MRPS7: variants seen among roughly 807,000 people sequenced by gnomAD.
MRPS7 encodes the protein small ribosomal subunit protein uS7m.
A neutral mutation model predicts 26.2 loss-of-function variants in MRPS7; 13 were observed. The observed-to-expected ratio is 0.50, with a 90% confidence interval of 0.32 to 0.79. MRPS7 has a LOEUF of 0.79. MRPS7 is among the 30% of genes least tolerant of loss of function. MRPS7 has a pLI of 0.03. For missense variants in MRPS7, 318 were observed against 312.2 expected, an observed-to-expected ratio of 1.02 and a Z score of -0.14; for synonymous variants, 129 against 113.3, an observed-to-expected ratio of 1.14 and a Z score of -0.88.
In MRPS7 at chr17:75,262,610, G is replaced by T. The variant is rs1414979908; in HGVS notation, c.197G>T (p.Arg66Leu). The T allele has an allele frequency of 3.1e-6, 5 of 1,614,096 alleles. No homozygotes were observed. Among genetic ancestry groups the T allele is most frequent in the Admixed American group, 1.7e-5 (1 of 60,024 alleles). ...EELTEEEKYV[R>L]ELKKTQLIKA... ...CTAACTGAGGAGGAGAAATATGTTC[G>T]GGAGCTCAAGAAGACTCAGCTCATC... Residue 66 changes from arginine (R) to leucine (L), a missense_variant, in exon 2 of 5, where the codon CGG becomes CTG. Physicochemically the swap from Arg to Leu is moderately radical, Grantham distance 102 (BLOSUM62 -2). Transcript: ENST00000245539.
At position 75,261,880 on chromosome 17, in the gene MRPS7, G is replaced by C; in HGVS notation, c.-21G>C. On this transcript the variant is annotated 5_prime_UTR_variant, in exon 1 of 5. Transcript: ENST00000245539. ...AGGCGCGCCGAGGGCAGTCCTTGTG[G>C]GGTCCTCGTGGCCAGCCAAGATGGC... The C allele has an allele frequency of 6.2e-7, 1 of 1,605,802 alleles. No individual in the cohort carries two copies. The highest frequency in any genetic ancestry group is 8.5e-7 in the Non-Finnish European group (1 of 1,178,866).
At chr17:75,263,252 G>T in intron 3 of MRPS7, 88 bp from the exon 4 acceptor site, 1 of 1,517,928 alleles carries the variant, frequency 6.6e-7, no homozygotes. Flanking sequence ...CAGAACCAGA[G>T]GATGGGAGTA....
chr17:75,265,160 T>C (rs868380194), intron 4 of MRPS7, among the ~76,000 whole-genome samples: 7 of 150,798 alleles, frequency 4.6e-5, no homozygotes, highest in Non-Finnish European at 8.9e-5. Context: ...TACCTCAGCC[T>C]CCCAAGTAGC....
At chr17:75,263,762 T>C (rs1598478858) in intron 4 of MRPS7, 4 of 428,920 alleles carry the variant, frequency 9.3e-6, no homozygotes, top group Non-Finnish European at 1.7e-5. Flanking sequence ...GCATCTGTGC[T>C]CCCAACTACT....
At position 75,262,851 on chromosome 17, in the gene MRPS7, G is replaced by C; in HGVS notation, c.323G>C (p.Arg108Thr). The change falls in exon 3 of 5, where the codon AGA becomes ACA. Residue 108 changes from arginine (R) to threonine (T), a missense_variant. Physicochemically the swap from Arg to Thr is moderately conservative, Grantham distance 71. Transcript: ENST00000245539. ...ATAGGAGGAAACAAAGTACTGGCCA[G>C]ATCCCTCATGATTCAGGTAAACAGC... is the stretch of plus-strand genomic sequence containing the variant. ...MMIGGNKVLARSLMIQTLEAV... is the reference protein window; with the variant it reads ...MMIGGNKVLATSLMIQTLEAV... 1.2e-6 allele frequency: 2 copies of C among 1,614,158 alleles called. No homozygotes were observed. The highest frequency in any genetic ancestry group is 1.7e-6 in the Non-Finnish European group (2 of 1,180,000).
In MRPS7 at chr17:75,266,019, TG is replaced by T. The variant is rs965660517; in HGVS notation, c.*97del. 1.7e-6 allele frequency: 2 copies of T among 1,160,342 alleles called. No individual in the cohort carries two copies. Among genetic ancestry groups the T allele is most frequent in the African/African-American group, 3.1e-5 (2 of 65,296 alleles). The allele number at this position is 1,160,342 out of a possible 1,614,324, so 71.9% of individuals were successfully genotyped here. ...CTGTGGGTTAAGGATGTAGTTCCTT[TG>T]TAAGGGTGGGCAGGCCTCGTAAGAA... On this transcript the variant is annotated 3_prime_UTR_variant, in exon 5 of 5. Coordinates refer to ENST00000245539, the MANE Select transcript of MRPS7 (RefSeq NM_015971.4).
Position 75,265,938 on chromosome 17 carries a change from G to T in MRPS7, c.*15G>T. The T allele has an allele frequency of 3.1e-6, 5 of 1,610,672 alleles. No individual in the cohort carries two copies. The highest frequency in any genetic ancestry group is 4.2e-6 in the Non-Finnish European group (5 of 1,178,116). ...GCTGGTGGTAGAGTCTCCAGGAGGAGCCCAGGGCCCTCTGCCGCAAGAAAC... is the reference window on the plus strand; with the variant it reads ...GCTGGTGGTAGAGTCTCCAGGAGGATCCCAGGGCCCTCTGCCGCAAGAAAC... On this transcript the variant is annotated 3_prime_UTR_variant, in exon 5 of 5. Coordinates refer to ENST00000245539, the MANE Select transcript of MRPS7 (RefSeq NM_015971.4).
In MRPS7 at chr17:75,262,663, T is replaced by C. The variant is rs747880019; in HGVS notation, c.250T>C (p.Ser84Pro). 2 of 1,614,162 alleles carry C rather than the reference T, an allele frequency of 1.2e-6. No homozygotes were observed. Among genetic ancestry groups the C allele is most frequent in the East Asian group, 4.5e-5 (2 of 44,892 alleles). ...IKAAPAGKTS[S>P]VFEDPVISKF... ...AGCTGCTCCAGCAGGGAAAACAAGT[T>C]CTGTGTTTGAAGACCCAGTCATCAG... The change falls in exon 2 of 5, where the codon TCT becomes CCT. Residue 84 changes from serine to proline, a missense_variant. Ser to Pro is a moderately conservative substitution (Grantham distance 74, BLOSUM62 -1). Transcript: ENST00000245539.
chr17:75,262,008 G>T (rs749361233), intron 1 of MRPS7, 25 bp downstream of exon 1: 72 of 1,600,882 alleles, frequency 4.5e-5, no homozygotes, highest in Middle Eastern at 3.3e-4. Context: ...AGCAGCGGCG[G>T]GGGGGCGCTG....
At position 75,261,964 on chromosome 17, in the gene MRPS7, G is replaced by C; in HGVS notation, c.64G>C (p.Ala22Pro). The change falls in exon 1 of 5, where the codon GCT (alanine) becomes CCT (proline). Residue 22 changes from alanine (A) to proline (P), a missense_variant. Coordinates refer to ENST00000245539, the MANE Select transcript of MRPS7 (RefSeq NM_015971.4). Reference sequence around the variant, plus strand: ...GGGCCTGGCGTTGGGCGTGCGGCGGGCTGTCTTGCAGCTTCCAGGGTGAGA... The same window carrying C: ...GGGCCTGGCGTTGGGCGTGCGGCGGCCTGTCTTGCAGCTTCCAGGGTGAGA... ...WSGLALGVRR[A>P]VLQLPGLTQV... The C allele has an allele frequency of 1.2e-6, 2 of 1,606,418 alleles. No homozygotes were observed. Among genetic ancestry groups the C allele is most frequent in the Non-Finnish European group, 1.7e-6 (2 of 1,179,592 alleles).
rs1056542055 is a variant in MRPS7 at position 75,266,197 on chromosome 17, G to A, written c.*274G>A. 5.8e-6 allele frequency: 3 copies of A among 521,320 alleles called. No homozygotes were observed. Among genetic ancestry groups the A allele is most frequent in the Non-Finnish European group, 1.0e-5 (3 of 289,896 alleles). The allele number at this position is 521,320 out of a possible 1,614,324, so 32.3% of individuals were successfully genotyped here. ...GGCTGTTTTCTCTTCCCTTAGGTTG[G>A]GGCGGACCTTTGGATATATAAAGGA... is the stretch of plus-strand genomic sequence containing the variant. On this transcript the variant is annotated 3_prime_UTR_variant, in exon 5 of 5. Transcript: ENST00000245539.
At chr17:75,262,031 G>T (rs761307868) in intron 1 of MRPS7, 48 bp downstream of exon 1, 2 of 1,596,170 alleles carry the variant, frequency 1.3e-6, no homozygotes, top group African/African-American at 2.7e-5. Flanking sequence ...AGGAAGGAAG[G>T]GGGCCACAGG....
At position 75,262,815 on chromosome 17, in the gene MRPS7, A is replaced by T; in HGVS notation, c.287A>T (p.Asn96Ile). Reference protein sequence around the residue: ...FEDPVISKFTNMMMIGGNKVL... With the variant: ...FEDPVISKFTIMMMIGGNKVL... ...TTTTCTCTTTGAAGTAAATTCACCA[A>T]CATGATGATGATAGGAGGAAACAAA... is the stretch of plus-strand genomic sequence containing the variant. Residue 96 changes from asparagine to isoleucine, a missense_variant, in exon 3 of 5, where the codon AAC becomes ATC. Transcript: ENST00000245539. The T allele has an allele frequency of 6.2e-7, 1 of 1,614,146 alleles. No individual in the cohort carries two copies. Among genetic ancestry groups the T allele is most frequent in the Non-Finnish European group, 8.5e-7 (1 of 1,180,018 alleles).
intron 4 of MRPS7, chr17:75,264,632 G>A (rs1259914460): frequency 1.3e-5 from 2 of 151,038 alleles, no homozygotes; most frequent in Non-Finnish European, 3.0e-5. Context: ...TCTTGTTTTT[G>A]GTTTTCTTTA....
rs754733455 is a variant in MRPS7, at chr17:75,262,788, G to A, written c.276-16G>A. On this transcript the variant is annotated splice_polypyrimidine_tract_variant and intron_variant, in intron 2 of 4. Coordinates refer to ENST00000245539, the MANE Select transcript of MRPS7 (RefSeq NM_015971.4). ...ACAGCCTTGGAGAGCTAAACGTGTTGCTTTTCTCTTTGAAGTAAATTCACC... is the reference window on the plus strand; with the variant it reads ...ACAGCCTTGGAGAGCTAAACGTGTTACTTTTCTCTTTGAAGTAAATTCACC... 15 of 1,613,966 alleles carry A rather than the reference G, an allele frequency of 9.3e-6. No individual in the cohort carries two copies. The highest frequency in any genetic ancestry group is 1.3e-5 in the Non-Finnish European group (15 of 1,179,982).
At position 75,265,860 on chromosome 17, in the gene MRPS7, G is replaced by A. The variant is rs2077474544; in HGVS notation, c.666G>A (p.Arg222=). 6.2e-7 allele frequency: 1 copy of A among 1,614,048 alleles called. No individual in the cohort carries two copies. Among genetic ancestry groups the A allele is most frequent in the African/African-American group, 1.3e-5 (1 of 74,952 alleles). ...AFHNQGPVIK[R]KHDLHKMAEA... The stretch of plus-strand genomic sequence containing the variant: ...ATAACCAGGGCCCCGTGATCAAGAG[G>A]AAGCATGACTTGCACAAGATGGCAG... Residue 222 remains arginine (R), a synonymous_variant, in exon 5 of 5, where the codon AGG becomes AGA. Transcript: ENST00000245539.
At chr17:75,263,250 G>C in intron 3 of MRPS7, 90 bp from the exon 4 acceptor site, 3 of 1,509,886 alleles carry the variant, frequency 2.0e-6, no homozygotes, top group Non-Finnish European at 2.7e-6. Context: ...CGCAGAACCA[G>C]AGGATGGGAG....
intron 3 of MRPS7, 37 bp from the exon 4 acceptor site, chr17:75,263,303 A>G (rs1279471353): frequency 6.2e-7 from 1 of 1,612,376 alleles, no homozygotes; most frequent in South Asian, 1.1e-5. Context: ...CCCTTTAGGG[A>G]GCCTGGGGCA....
rs759275159 is a variant in MRPS7 at position 75,262,484 on chromosome 17, C to G, written c.84-13C>G. 5.6e-6 allele frequency: 9 copies of G among 1,610,788 alleles called. No individual in the cohort carries two copies. The South Asian group carries it at 8.8e-5, about 16-fold the overall frequency. On this transcript the variant is annotated splice_polypyrimidine_tract_variant and intron_variant, in intron 1 of 4. Coordinates refer to ENST00000245539, the MANE Select transcript of MRPS7 (RefSeq NM_015971.4). ...TCAGCTTTTGCCTGCCTCCTCCTTT[C>G]CCCCCCTCCCAGGCTAACTCAGGTG...
Sources: gnomAD v4.1 joint callset for allele counts (sites outside exome capture counted in the v4.1 genomes callset) on GRCh38, gnomAD v4.1.1 for gene constraint, MANE v1.5 for transcripts, NCBI Gene and HGNC (gene_info 2026-07-23, HGNC 2026-07-21) for gene names.